BARD1: variants seen among roughly 807,000 people sequenced by gnomAD.
The protein encoded by BARD1 is BRCA1-associated RING domain protein 1.
In BARD1, 73 loss-of-function variants were observed where a neutral mutation model predicts 77.0. That is an observed-to-expected ratio of 0.95 (90% CI 0.79 to 1.15). The LOEUF (loss-of-function observed/expected upper bound fraction) is 1.15, where lower values mean the gene tolerates loss of function less well. BARD1 is among the 50% of genes most tolerant of loss of function. The pLI, the probability that BARD1 is intolerant of heterozygous loss-of-function variation, is 0.00. For missense variants in BARD1, 993 were observed against 938.8 expected (o/e 1.06, Z -0.75); for synonymous variants, 384 against 338.0 (o/e 1.14, Z -1.49).
At chr2:214,777,293 T>C (rs1161809588) in intron 4 of BARD1, among the ~76,000 whole-genome samples, 5 of 152,086 alleles carry the variant, frequency 3.3e-5, no homozygotes, top group African/African-American at 1.2e-4. Context: ...TTATGGCCAA[T>C]GATGATGCCC....
At chr2:214,767,371 T>C in intron 6 of BARD1, 111 bp downstream of exon 6, 1 of 1,056,786 alleles carries the variant, frequency 9.5e-7, no homozygotes. Context: ...ATTTTAGTTG[T>C]GAAAGTGAAG....
intron 9 of BARD1, among the ~76,000 whole-genome samples, chr2:214,744,626 CTTTTTCTT>C (rs1693009165): frequency 1.3e-5 from 2 of 151,912 alleles, no homozygotes; most frequent in East Asian, 1.9e-4. Context: ...ATATGAGAAG[CTTTTTCTT>C]TTTTTCTTTT....
chr2:214,792,750 T>C (rs1173658733), intron 2 of BARD1, among the ~76,000 whole-genome samples: 2 of 152,308 alleles, frequency 1.3e-5, no homozygotes, highest in East Asian at 3.9e-4. Context: ...GAATGCCTAA[T>C]GCATAGTAGT....
At chr2:214,750,129 C>A (rs1693336880) in intron 7 of BARD1, among the ~76,000 whole-genome samples, 1 of 152,092 alleles carries the variant, frequency 6.6e-6, no homozygotes, top group Admixed American at 6.6e-5. Flanking sequence ...CCCATCTGAG[C>A]AGTACTGGGA....
At position 214,730,480 on chromosome 2, in the gene BARD1, T is replaced by C. The variant is rs1274554835; in HGVS notation, c.1932A>G (p.Val644=). The C allele has an allele frequency of 1.9e-6, 3 of 1,614,028 alleles. No homozygotes were observed. Among genetic ancestry groups the C allele is most frequent in the South Asian group, 2.2e-5 (2 of 91,080 alleles). The change falls in exon 10 of 11, where the codon GTA becomes GTG. Residue 644 remains valine (V), a synonymous_variant. Coordinates refer to ENST00000260947, the MANE Select transcript of BARD1 (RefSeq NM_000465.4). The part of the protein sequence containing the change: ...EWVKACLRRK[V]CEQEEKYEIP... ...TTTCATACTTTTCTTCCTGTTCACA[T>C]ACTTTTCTTCGTAGACATGCTTTTA...
At chr2:214,805,583 CCACT>C (rs1360707031) in intron 1 of BARD1, among the ~76,000 whole-genome samples, 1 of 152,084 alleles carries the variant, frequency 6.6e-6, no homozygotes, top group Non-Finnish European at 1.5e-5. Flanking sequence ...TTATGAATAT[CCACT>C]CATTTTGTGC....
chr2:214,786,230 T>C (rs1350237230), intron 3 of BARD1, among the ~76,000 whole-genome samples: 1 of 150,930 alleles, frequency 6.6e-6, no homozygotes, highest in Non-Finnish European at 1.5e-5. Flanking sequence ...TTTTAATACT[T>C]AAGAGATACA....
intron 6 of BARD1, among the ~76,000 whole-genome samples, chr2:214,766,560 C>G (rs1248981483): frequency 6.6e-6 from 1 of 152,068 alleles, no homozygotes; most frequent in Non-Finnish European, 1.5e-5. Flanking sequence ...GTAAATCTCC[C>G]CCAAATATGT....
intron 5 of BARD1, 24 bp downstream of exon 5, chr2:214,769,208 T>C: frequency 6.3e-7 from 1 of 1,576,486 alleles, no homozygotes; most frequent in South Asian, 1.1e-5. Flanking sequence ...ACAGAAAGAA[T>C]GAGAATAAAA....
At chr2:214,791,821 T>C (rs1204135440) in intron 3 of BARD1, among the ~76,000 whole-genome samples, 1 of 152,152 alleles carries the variant, frequency 6.6e-6, no homozygotes, top group Non-Finnish European at 1.5e-5. Flanking sequence ...GAAGTTATCA[T>C]AAATGTAAAA....
Position 214,780,545 on chromosome 2 carries a change from G to A in BARD1, c.1314+15C>T. The A allele has an allele frequency of 6.2e-7, 1 of 1,608,472 alleles. No individual in the cohort carries two copies. The highest frequency in any genetic ancestry group is 1.3e-5 in the African/African-American group (1 of 74,916). ...GGCCTCATTCTGAGATGGTATTTCA[G>A]AGTAAGCATCCTACCTTAATAGAAG... On this transcript the variant is annotated intron_variant, in intron 4 of 10. Coordinates refer to ENST00000260947, the MANE Select transcript of BARD1 (RefSeq NM_000465.4).
intron 5 of BARD1, 31 bp from the exon 6 acceptor site, chr2:214,767,685 G>A: frequency 6.3e-7 from 1 of 1,597,148 alleles, no homozygotes; most frequent in South Asian, 1.1e-5. Context: ...AGAAGTGAAA[G>A]AAGTGATAAG....
chr2:214,799,468 G>A (rs1448262797), intron 1 of BARD1, among the ~76,000 whole-genome samples: 1 of 152,072 alleles, frequency 6.6e-6, no homozygotes, highest in East Asian at 1.9e-4. Flanking sequence ...TAACTTTACT[G>A]GAACTTAATG....
chr2:214,759,319 T>C (rs1488468282), intron 6 of BARD1, among the ~76,000 whole-genome samples: 1 of 152,120 alleles, frequency 6.6e-6, no homozygotes, highest in Non-Finnish European at 1.5e-5. Flanking sequence ...GAAGCACATG[T>C]TATTCGCCAC....
chr2:214,726,036 GC>G lies in BARD1; in HGVS notation c.*2639del. The G allele has an allele frequency of 5.4e-6, 1 of 185,324 alleles. No individual in the cohort carries two copies. Among genetic ancestry groups the G allele is most frequent in the Non-Finnish European group, 1.0e-5 (1 of 95,546 alleles). The allele number at this position is 185,324 out of a possible 1,614,324, so 11.5% of individuals were successfully genotyped here. A position where few individuals can be genotyped will look rare whatever the true frequency, so the allele number is the denominator to read the frequency against. On this transcript the variant is annotated 3_prime_UTR_variant, in exon 11 of 11. Transcript: ENST00000260947. ...TAACTATTAAATTTACAAGGCAGGT[GC>G]AAAAAAAAAAAAAGGTGGGGGGACC...
chr2:214,798,533 T>TG (rs1695863719), intron 1 of BARD1, among the ~76,000 whole-genome samples: 1 of 152,088 alleles, frequency 6.6e-6, no homozygotes, highest in Non-Finnish European at 1.5e-5. Flanking sequence ...TACATCGCCC[T>TG]GGCCAAACCT....
chr2:214,767,675 AG>A lies in BARD1; in HGVS notation c.1396-22del, dbSNP rs750290706. 159 of 1,603,472 alleles carry A rather than the reference AG, an allele frequency of 9.9e-5. No homozygotes were observed. In the South Asian group the frequency reaches 1.5e-3, roughly 15 times the overall value. ...TCATGCTAATTAAATTTTTTGAAAA[AG>A]AAGTGAAAGAAGTGATAAGAAAGAG... On this transcript the variant is annotated intron_variant, in intron 5 of 10. Coordinates refer to ENST00000260947, the MANE Select transcript of BARD1 (RefSeq NM_000465.4).
chr2:214,770,135 G>A (rs576906227), intron 4 of BARD1, among the ~76,000 whole-genome samples: 1 of 152,238 alleles, frequency 6.6e-6, no homozygotes, highest in East Asian at 1.9e-4. Context: ...GGAAGCAACA[G>A]TTGCTCTGTT....
chr2:214,808,848 G>C (rs1443848518), intron 1 of BARD1, among the ~76,000 whole-genome samples: 1 of 152,260 alleles, frequency 6.6e-6, no homozygotes, highest in African/African-American at 2.4e-5. Flanking sequence ...CTAAGAAAAT[G>C]AGAAATTCCG....
Sources: allele counts gnomAD v4.1 joint callset (sites outside exome capture counted in the v4.1 genomes callset), GRCh38; gene constraint gnomAD v4.1.1; transcripts MANE v1.5; gene names NCBI Gene and HGNC (gene_info 2026-07-23, HGNC 2026-07-21).